Variants in CALN1 observed in about 807,000 individuals in gnomAD.
CALN1 encodes the protein calneuron 1.
A neutral mutation model predicts 30.6 loss-of-function variants in CALN1; 17 were observed. The observed-to-expected ratio is 0.56, with a 90% CI of 0.38 to 0.83. CALN1 has a LOEUF of 0.83. Among genes scored for constraint, CALN1 ranks in the 40% least tolerant of loss-of-function variants. CALN1 has a pLI of 0.00. For synonymous variants in CALN1, 156 were observed against 131.4 expected, an observed-to-expected ratio of 1.19 and a Z score of -1.28; for missense variants, 291 against 354.9, an observed-to-expected ratio of 0.82 and a Z score of 1.45.
At chr7:71,869,831 G>A (rs1018822058) in intron 5 of CALN1, among the ~76,000 whole-genome samples, 5 of 152,162 alleles carry the variant, frequency 3.3e-5, no homozygotes, top group African/African-American at 1.2e-4. Context: ...CCAGAAAGGT[G>A]AGTGAAACTG....
chr7:72,481,464 G>T, the CALN1 span, among the ~76,000 whole-genome samples: 2 of 152,010 alleles, frequency 1.3e-5, no homozygotes, highest in Admixed American at 1.3e-4. Context: ...TTTCTATTTC[G>T]TTGATTTTTC....
At chr7:72,328,781 C>T (rs1049359276) in intron 2 of CALN1, among the ~76,000 whole-genome samples, 5 of 152,178 alleles carry the variant, frequency 3.3e-5, no homozygotes, top group South Asian at 2.1e-4. Context: ...CTGCAACCTC[C>T]GCCTCCTGGG....
At chr7:72,366,023 G>A (rs958165410) in intron 2 of CALN1, among the ~76,000 whole-genome samples, 1 of 152,048 alleles carries the variant, frequency 6.6e-6, no homozygotes, top group African/African-American at 2.4e-5. Context: ...ATTGCATAAA[G>A]ACATGTTTAT....
intron 3 of CALN1, among the ~76,000 whole-genome samples, chr7:72,199,148 G>A (rs1399020995): frequency 1.3e-5 from 2 of 152,098 alleles, no homozygotes; most frequent in African/African-American, 2.4e-5. Flanking sequence ...GGTGGTGGGC[G>A]CCTGTAATCC....
intron 6 of CALN1, among the ~76,000 whole-genome samples, chr7:71,789,584 T>TG (rs1793196726): frequency 6.6e-5 from 10 of 151,972 alleles, no homozygotes; most frequent in Admixed American, 3.9e-4. Flanking sequence ...AATGTGAAGA[T>TG]AGGGGGGCAC....
intron 1 of CALN1, among the ~76,000 whole-genome samples, chr7:72,428,519 G>A (rs1411907878): frequency 1.3e-5 from 2 of 151,874 alleles, no homozygotes; most frequent in Non-Finnish European, 2.9e-5. Context: ...AGCCTCCCAA[G>A]CTGCTGGAAC....
At chr7:71,798,476 T>A (rs1251533523) in intron 6 of CALN1, among the ~76,000 whole-genome samples, 3 of 152,036 alleles carry the variant, frequency 2.0e-5, no homozygotes, top group Admixed American at 6.6e-5. Flanking sequence ...GCTAATTTTT[T>A]AAAAAACTTT....
chr7:72,208,294 A>G (rs1005611656), intron 3 of CALN1, among the ~76,000 whole-genome samples: 1 of 152,260 alleles, frequency 6.6e-6, no homozygotes, highest in Non-Finnish European at 1.5e-5. Flanking sequence ...TTTTAAGTTT[A>G]CACAATCACA....
intron 3 of CALN1, among the ~76,000 whole-genome samples, chr7:72,162,579 C>CAA (rs1322069401): frequency 6.8e-6 from 1 of 147,112 alleles, no homozygotes; most frequent in African/African-American, 2.5e-5. Context: ...ACTAAAAATA[C>CAA]AAAAAAAAAA....
intron 4 of CALN1, among the ~76,000 whole-genome samples, chr7:72,055,509 AAG>A (rs981072528): frequency 2.1e-4 from 31 of 151,032 alleles, no homozygotes; most frequent in Admixed American, 6.6e-4. Context: ...TTGCAAAAAA[AAG>A]AGGATTCTTT....
intron 5 of CALN1, among the ~76,000 whole-genome samples, chr7:71,866,604 G>T (rs1040492321): frequency 2.0e-5 from 3 of 152,046 alleles, no homozygotes; most frequent in African/African-American, 7.2e-5. Context: ...GCTAATAATG[G>T]AATGAACTGA....
intron 5 of CALN1, among the ~76,000 whole-genome samples, chr7:71,936,353 C>T (rs1000364629): frequency 2.8e-5 from 4 of 144,866 alleles, no homozygotes; most frequent in Admixed American, 7.2e-5. Flanking sequence ...AAAAAATTAG[C>T]TGGGTGTAGT....
At chr7:72,376,235 T>C (rs1305603256) in intron 2 of CALN1, among the ~76,000 whole-genome samples, 4 of 152,236 alleles carry the variant, frequency 2.6e-5, no homozygotes, top group Admixed American at 6.5e-5. Context: ...AACATGTGTT[T>C]TCAATTCTTT....
At chr7:72,106,026 G>C (rs1332975376) in intron 4 of CALN1, 125 bp downstream of exon 4, 1 of 1,311,678 alleles carries the variant, frequency 7.6e-7, no homozygotes, top group Admixed American at 2.5e-5. Context: ...TCTAGTCCAA[G>C]TTTCTGCTTC....
chr7:72,423,614 C>G (rs140237730), intron 1 of CALN1, among the ~76,000 whole-genome samples: 1 of 152,300 alleles, frequency 6.6e-6, no homozygotes, highest in African/African-American at 2.4e-5. Flanking sequence ...ATGCCCCACA[C>G]CACCTGGGCG....
intron 4 of CALN1, among the ~76,000 whole-genome samples, chr7:72,029,176 G>A (rs1801279935): frequency 6.6e-6 from 1 of 151,772 alleles, no homozygotes; most frequent in Admixed American, 6.6e-5. Context: ...GCCCAGGCTG[G>A]AGTGCAGTGG....
intron 1 of CALN1, among the ~76,000 whole-genome samples, chr7:72,439,061 GCGCAT>G (rs1210294638): frequency 6.6e-6 from 1 of 152,138 alleles, no homozygotes; most frequent in Non-Finnish European, 1.5e-5. Flanking sequence ...TCTGGAGACA[GCGCAT>G]CACTCTGTTG....
intron 2 of CALN1, among the ~76,000 whole-genome samples, chr7:72,390,990 TAAG>T (rs1001889316): frequency 3.9e-5 from 6 of 152,248 alleles, no homozygotes; most frequent in Admixed American, 1.3e-4. Flanking sequence ...TTTCTGACTC[TAAG>T]AAGATTTCTT....
At chr7:72,457,761 T>TC in the CALN1 span, among the ~76,000 whole-genome samples, 1 of 150,478 alleles carries the variant, frequency 6.6e-6, no homozygotes, top group Non-Finnish European at 1.5e-5. Context: ...CTTATTCTTT[T>TC]TTTTTTTTTT....
Sources: allele counts gnomAD v4.1 joint callset (sites outside exome capture counted in the v4.1 genomes callset), GRCh38; gene constraint gnomAD v4.1.1; transcripts MANE v1.5; gene names NCBI Gene and HGNC (gene_info 2026-07-23, HGNC 2026-07-21).